The following BICC1 variants were observed in gnomAD, a reference collection of about 807,000 sequenced individuals.
BICC1 encodes the protein BicC family RNA binding protein 1.
A neutral mutation model predicts 111.0 loss-of-function variants in BICC1; 43 were observed. The ratio of observed to expected loss-of-function variants is 0.39; its 90% CI spans 0.30 to 0.50. The LOEUF is 0.50. Among genes scored for constraint, BICC1 ranks in the 20% least tolerant of loss-of-function variants. The pLI, the probability that BICC1 is intolerant of heterozygous loss-of-function variation, is 0.88. For missense variants in BICC1, 1,091 were observed against 1,203.2 expected, an observed-to-expected ratio of 0.91 and a Z score of 1.38; for synonymous variants, 467 against 434.4, an observed-to-expected ratio of 1.07 and a Z score of -0.93.
At chr10:58,734,972 C>A (rs1314176414) in intron 3 of BICC1, among the ~76,000 whole-genome samples, 6 of 152,146 alleles carry the variant, frequency 3.9e-5, no homozygotes, top group African/African-American at 1.2e-4. Flanking sequence ...CATCCCCTCA[C>A]TAGTTGCCAT....
At chr10:58,801,688 T>C (rs1424505747) in intron 14 of BICC1, among the ~76,000 whole-genome samples, 2 of 152,158 alleles carry the variant, frequency 1.3e-5, no homozygotes, top group African/African-American at 4.8e-5. Context: ...TGCTGTCTTA[T>C]TAGTTCCTGG....
intron 1 of BICC1, among the ~76,000 whole-genome samples, chr10:58,620,535 A>G (rs1191195467): frequency 6.6e-6 from 1 of 152,222 alleles, no homozygotes; most frequent in East Asian, 1.9e-4. Context: ...ACAGTTGATT[A>G]CTTTGAGAGT....
intron 1 of BICC1, among the ~76,000 whole-genome samples, chr10:58,569,971 T>A (rs1843895355): frequency 6.6e-6 from 1 of 152,232 alleles, no homozygotes; most frequent in South Asian, 2.1e-4. Context: ...TGCCACACTG[T>A]CTTCCACAAT....
At chr10:58,755,002 G>T (rs1842104112) in intron 3 of BICC1, among the ~76,000 whole-genome samples, 1 of 152,166 alleles carries the variant, frequency 6.6e-6, no homozygotes, top group Admixed American at 6.5e-5. Context: ...TGCAGTCCTT[G>T]TATTTTAAGT....
intron 3 of BICC1, among the ~76,000 whole-genome samples, chr10:58,777,960 C>T (rs1842791926): frequency 6.6e-6 from 1 of 152,016 alleles, no homozygotes; most frequent in African/African-American, 2.4e-5. Flanking sequence ...TAGCTCATGC[C>T]TGTAATCTTA....
chr10:58,671,359 C>A (rs1839178867), intron 2 of BICC1, among the ~76,000 whole-genome samples: 1 of 152,110 alleles, frequency 6.6e-6, no homozygotes, highest in Admixed American at 6.6e-5. Flanking sequence ...CTTTACTGTT[C>A]CCATCTGGAG....
At chr10:58,548,736 T>A (rs894630476) in intron 1 of BICC1, among the ~76,000 whole-genome samples, 1 of 152,296 alleles carries the variant, frequency 6.6e-6, no homozygotes, top group Admixed American at 6.5e-5. Context: ...GTACATAATC[T>A]TTTCCTTGGC....
intron 9 of BICC1, among the ~76,000 whole-genome samples, chr10:58,796,040 G>A (rs1043810499): frequency 6.6e-6 from 1 of 152,134 alleles, no homozygotes; most frequent in Admixed American, 6.6e-5. Context: ...CACTGAATAT[G>A]AGTAATGATT....
At chr10:58,824,937 C>T (rs1455318982) in intron 20 of BICC1, among the ~76,000 whole-genome samples, 1 of 152,130 alleles carries the variant, frequency 6.6e-6, no homozygotes, top group South Asian at 2.1e-4. Context: ...ACTCATAAAA[C>T]AACGTAATCT....
chr10:58,573,267 T>C lies in BICC1; in HGVS notation c.191-47588T>C, dbSNP rs1259661277. 3.3e-5 allele frequency among the ~76,000 whole-genome samples: 5 copies of C among 152,180 alleles called. No homozygotes were observed. In the South Asian group the frequency reaches 1.0e-3, roughly 32 times the overall value. On this transcript the variant is annotated intron_variant, in intron 1 of 20. Transcript: ENST00000373886. The stretch of plus-strand genomic sequence containing the variant: ...AGTGGTCAATGAATGTTTCTTCCTC[T>C]AAATACTTTTCTTACAAGAAGAGGT...
intron 2 of BICC1, among the ~76,000 whole-genome samples, chr10:58,635,851 G>A (rs940916178): frequency 6.6e-6 from 1 of 151,906 alleles, no homozygotes. Flanking sequence ...CTTTGTCTCT[G>A]GCCCTCTCCA....
intron 17 of BICC1, among the ~76,000 whole-genome samples, chr10:58,811,223 A>G (rs1843893245): frequency 6.6e-6 from 1 of 152,210 alleles, no homozygotes; most frequent in Non-Finnish European, 1.5e-5. Flanking sequence ...TGTCACATCA[A>G]TAAAGCTACA....
intron 9 of BICC1, among the ~76,000 whole-genome samples, chr10:58,794,443 G>T (rs368589218): frequency 6.6e-6 from 1 of 150,624 alleles, no homozygotes; most frequent in African/African-American, 2.4e-5. Flanking sequence ...TTCTGAGACA[G>T]GGTCTCACTT....
intron 1 of BICC1, among the ~76,000 whole-genome samples, chr10:58,536,161 C>G (rs1249045176): frequency 1.3e-5 from 2 of 151,600 alleles, no homozygotes; most frequent in Non-Finnish European, 3.0e-5. Context: ...CAGCACTAGA[C>G]AGAGCACTGA....
At chr10:58,772,951 A>G (rs16912583) in intron 3 of BICC1, among the ~76,000 whole-genome samples, 217 of 152,358 alleles carry the variant, frequency 1.4e-3, no homozygotes, top group African/African-American at 5.1e-3. Flanking sequence ...TGATCCACAC[A>G]TATTTCTCAA....
intron 1 of BICC1, among the ~76,000 whole-genome samples, chr10:58,551,449 A>G (rs1843292723): frequency 6.6e-6 from 1 of 152,210 alleles, no homozygotes; most frequent in Admixed American, 6.5e-5. Flanking sequence ...AAATGAGCTA[A>G]TTAACATATC....
At chr10:58,752,520 G>T (rs1038149126) in intron 3 of BICC1, among the ~76,000 whole-genome samples, 10 of 152,122 alleles carry the variant, frequency 6.6e-5, no homozygotes, top group African/African-American at 2.2e-4. Context: ...AAGAGAGAAA[G>T]AACAATTTTC....
intron 3 of BICC1, among the ~76,000 whole-genome samples, chr10:58,739,338 A>G (rs946152817): frequency 3.3e-5 from 5 of 152,142 alleles, no homozygotes; most frequent in Admixed American, 3.3e-4. Context: ...TATTGAGATA[A>G]TCATATGGTT....
chr10:58,671,595 A>T (rs1184477537), intron 2 of BICC1, among the ~76,000 whole-genome samples: 1 of 152,094 alleles, frequency 6.6e-6, no homozygotes, highest in Non-Finnish European at 1.5e-5. Flanking sequence ...ATGGGGTTCC[A>T]ATTGGGACAA....
Sources: allele counts gnomAD v4.1 joint callset (sites outside exome capture counted in the v4.1 genomes callset), GRCh38; gene constraint gnomAD v4.1.1; transcripts MANE v1.5; gene names NCBI Gene and HGNC (gene_info 2026-07-23, HGNC 2026-07-21).